The following NKAIN1 variants were observed in gnomAD, a reference collection of about 807,000 sequenced individuals.
NKAIN1 encodes sodium/potassium transporting ATPase interacting 1.
Under a neutral mutation model 31.6 loss-of-function variants are expected in NKAIN1, and 13 were observed. That is an observed-to-expected ratio of 0.41 (90% confidence interval 0.27 to 0.65). The LOEUF (loss-of-function observed/expected upper bound fraction) is 0.65. Ranked by LOEUF, NKAIN1 falls within the 30% of genes least tolerant of loss-of-function variation. The probability of loss-of-function intolerance (pLI) is 0.30; values close to 1 mark genes in which losing one functional copy is unlikely to be tolerated. For missense variants in NKAIN1, 193 were observed against 262.2 expected (o/e 0.74, Z 1.82); for synonymous variants, 104 against 109.0 (o/e 0.95, Z 0.28).
In NKAIN1 at chr1:31,183,923, T is replaced by G; in HGVS notation, c.365A>C (p.Asn122Thr). ...GTGGTCCTCCAGAGCCAGGCGGGAG[T>G]TCAGAACAGGTGTCACCAGGCAGCC... is the stretch of plus-strand genomic sequence containing the variant. ...GPGCLVTPVL[N>T]SRLALEDHHV... The change falls in exon 4 of 7, where the codon AAC (asparagine) becomes ACC (threonine). Residue 122 changes from asparagine (N) to threonine (T), a missense_variant. By Grantham distance (65) the Asn-to-Thr change is moderately conservative. Coordinates refer to ENST00000373736, the MANE Select transcript of NKAIN1 (RefSeq NM_024522.3). The G allele has an allele frequency of 6.2e-7, 1 of 1,613,440 alleles. No individual in the cohort carries two copies. The highest frequency in any genetic ancestry group is 1.1e-5 in the South Asian group (1 of 91,036).
chr1:31,191,717 C>T (rs1011745858), intron 1 of NKAIN1, among the ~76,000 whole-genome samples: 1 of 152,178 alleles, frequency 6.6e-6, no homozygotes, highest in Non-Finnish European at 1.5e-5. Flanking sequence ...TCAGCTCCTG[C>T]CCCCAAGAGG....
At chr1:31,213,550 C>A (rs778178968) in intron 1 of NKAIN1, among the ~76,000 whole-genome samples, 4 of 152,168 alleles carry the variant, frequency 2.6e-5, no homozygotes, top group South Asian at 2.1e-4. Flanking sequence ...AGATATCATG[C>A]GGCCCTGCAT....
intron 1 of NKAIN1, among the ~76,000 whole-genome samples, chr1:31,196,982 A>C (rs537889157): frequency 5.3e-5 from 8 of 152,208 alleles, no homozygotes; most frequent in African/African-American, 1.9e-4. Flanking sequence ...GGTATGATTC[A>C]CAGTATCTTC....
At chr1:31,202,251 C>T (rs1196855060) in intron 1 of NKAIN1, among the ~76,000 whole-genome samples, 3 of 152,244 alleles carry the variant, frequency 2.0e-5, no homozygotes, top group Non-Finnish European at 4.4e-5. Flanking sequence ...CAACCCACTG[C>T]ACCTCTGAGC....
chr1:31,220,198 G>A (rs1333408472), intron 1 of NKAIN1, among the ~76,000 whole-genome samples: 73 of 111,784 alleles, frequency 6.5e-4, no homozygotes, highest in African/African-American at 2.1e-3. Flanking sequence ...TTTTTTTTTA[G>A]TACAGACGGG....
intron 1 of NKAIN1, among the ~76,000 whole-genome samples, chr1:31,220,179 T>G (rs12131288): frequency 1.4e-4 from 12 of 86,456 alleles, no homozygotes; most frequent in African/African-American, 4.0e-4. Context: ...AGCTAATTTT[T>G]TTTTTTTTTT....
chr1:31,183,086 C>T (rs543676902), intron 4 of NKAIN1, among the ~76,000 whole-genome samples: 2 of 152,132 alleles, frequency 1.3e-5, no homozygotes, highest in Non-Finnish European at 2.9e-5. Flanking sequence ...ACCTCCTGGG[C>T]TCAAGTGATC....
At chr1:31,184,865 A>G (rs879930635) in intron 3 of NKAIN1, among the ~76,000 whole-genome samples, 1 of 152,102 alleles carries the variant, frequency 6.6e-6, no homozygotes, top group African/African-American at 2.4e-5. Context: ...AATTAACCCA[A>G]ATCTTTGTGG....
At chr1:31,230,878 A>ATTTT (rs35096054) in intron 1 of NKAIN1, among the ~76,000 whole-genome samples, 2 of 79,292 alleles carry the variant, frequency 2.5e-5, no homozygotes, top group East Asian at 6.8e-4. Context: ...TCTTTGGGTT[A>ATTTT]TTTTTTTTTT....
intron 1 of NKAIN1, among the ~76,000 whole-genome samples, chr1:31,238,635 C>T (rs1645709416): frequency 6.6e-6 from 1 of 152,192 alleles, no homozygotes; most frequent in Non-Finnish European, 1.5e-5. Context: ...TGGGGCTAGG[C>T]ACAGTGTCCT....
intron 1 of NKAIN1, among the ~76,000 whole-genome samples, chr1:31,207,376 GTGTCAAA>G (rs545819397): frequency 1.5e-3 from 225 of 152,326 alleles, no homozygotes; most frequent in African/African-American, 5.3e-3. Flanking sequence ...TAGGGAATAT[GTGTCAAA>G]TGTTCAGAAC....
chr1:31,181,623 A>T lies in NKAIN1; in HGVS notation c.*80T>A. ...AGTGAGCGCGCGGGCCACCAGGGGGACACGCCTGCGCCTTGGCCCGAGCTC... is the reference window on the plus strand; with the variant it reads ...AGTGAGCGCGCGGGCCACCAGGGGGTCACGCCTGCGCCTTGGCCCGAGCTC... On this transcript the variant is annotated 3_prime_UTR_variant, in exon 7 of 7. Transcript: ENST00000373736. The T allele has an allele frequency of 7.5e-7, 1 of 1,340,960 alleles. No individual in the cohort carries two copies. The highest frequency in any genetic ancestry group is 1.8e-5 in the South Asian group (1 of 54,842). The allele number at this position is 1,340,960 out of a possible 1,614,324, so 83.1% of individuals were successfully genotyped here. A position where few individuals can be genotyped will look rare whatever the true frequency, so the allele number is the denominator to read the frequency against.
At chr1:31,206,707 GA>G (rs1645428147) in intron 1 of NKAIN1, among the ~76,000 whole-genome samples, 1 of 151,974 alleles carries the variant, frequency 6.6e-6, no homozygotes. Flanking sequence ...AAAGTGCAGG[GA>G]TTATAGGTGT....
intron 1 of NKAIN1, among the ~76,000 whole-genome samples, chr1:31,193,523 C>T (rs757505092): frequency 4.0e-5 from 6 of 151,848 alleles, no homozygotes; most frequent in Admixed American, 1.3e-4. Context: ...GGGGAAAACT[C>T]GTCTCTACTA....
intron 1 of NKAIN1, among the ~76,000 whole-genome samples, chr1:31,230,878 ATTTT>A (rs35096054): frequency 3.8e-5 from 3 of 79,280 alleles, no homozygotes; most frequent in Admixed American, 1.5e-4. Context: ...TCTTTGGGTT[ATTTT>A]TTTTTTTTTT....
chr1:31,231,570 A>G (rs966466751), intron 1 of NKAIN1, among the ~76,000 whole-genome samples: 4 of 151,980 alleles, frequency 2.6e-5, no homozygotes, highest in East Asian at 3.9e-4. Flanking sequence ...TCGCTCTGTC[A>G]CCCAGGCTGG....
intron 1 of NKAIN1, among the ~76,000 whole-genome samples, chr1:31,220,838 C>T (rs1645559515): frequency 6.6e-6 from 1 of 151,438 alleles, no homozygotes; most frequent in Non-Finnish European, 1.5e-5. Flanking sequence ...TGATTATTCA[C>T]CTGGGCCTTC....
intron 1 of NKAIN1, among the ~76,000 whole-genome samples, chr1:31,224,523 G>A (rs881882): frequency 0.32 from 48,166 of 152,108 alleles, 9,674 homozygotes; most frequent in African/African-American, 0.57. Context: ...GAACCACTGT[G>A]AGCTGTAAGC....
intron 1 of NKAIN1, among the ~76,000 whole-genome samples, chr1:31,230,232 C>T (rs373676892): frequency 1.1e-4 from 16 of 152,124 alleles, no homozygotes; most frequent in Non-Finnish European, 2.2e-4. Flanking sequence ...CCACTCCACA[C>T]GTTTTATTTC....
Sources: allele counts gnomAD v4.1 joint callset (sites outside exome capture counted in the v4.1 genomes callset), GRCh38; gene constraint gnomAD v4.1.1; transcripts MANE v1.5; gene names NCBI Gene and HGNC (gene_info 2026-07-23, HGNC 2026-07-21).